The following PLEKHA7 variants were observed in gnomAD, a reference collection of about 807,000 sequenced individuals.
PLEKHA7 encodes pleckstrin homology domain-containing family A member 7.
Under a neutral mutation model 170.0 loss-of-function variants are expected in PLEKHA7, and 104 were observed. The observed-to-expected ratio is 0.61, with a 90% CI of 0.52 to 0.72. PLEKHA7 has a LOEUF of 0.72. Ranked by LOEUF, PLEKHA7 falls within the 30% of genes least tolerant of loss-of-function variation. The probability of loss-of-function intolerance (pLI) is 0.00; values close to 1 mark genes in which losing one functional copy is unlikely to be tolerated. For missense variants in PLEKHA7, 1,615 were observed against 1,671.7 expected (o/e 0.97, Z 0.59); for synonymous variants, 648 against 660.8 (o/e 0.98, Z 0.30).
chr11:16,835,942 C>T (rs957648062), intron 9 of PLEKHA7, among the ~76,000 whole-genome samples: 7 of 152,228 alleles, frequency 4.6e-5, no homozygotes, highest in Non-Finnish European at 8.8e-5. Context: ...TGGGAATGTG[C>T]ACCACCTCAC....
At chr11:16,919,530 C>A (rs1055003003) in intron 3 of PLEKHA7, among the ~76,000 whole-genome samples, 1 of 151,942 alleles carries the variant, frequency 6.6e-6, no homozygotes, top group African/African-American at 2.4e-5. Flanking sequence ...AAACACTTAG[C>A]CAAGCATGGT....
chr11:16,801,220 G>A (rs1385849276), intron 16 of PLEKHA7, 145 bp from the exon 17 acceptor site: 1 of 709,104 alleles, frequency 1.4e-6, no homozygotes, highest in Non-Finnish European at 2.5e-6. Context: ...AGAGAGAGGA[G>A]CAGGAAAGAG....
intron 3 of PLEKHA7, among the ~76,000 whole-genome samples, chr11:16,966,074 T>G (rs1245128585): frequency 6.6e-6 from 1 of 152,014 alleles, no homozygotes; most frequent in East Asian, 1.9e-4. Flanking sequence ...TCCCAGTTAC[T>G]CGGGAGGCTG....
intron 3 of PLEKHA7, among the ~76,000 whole-genome samples, chr11:16,981,392 A>T (rs1014693350): frequency 6.6e-6 from 1 of 152,196 alleles, no homozygotes; most frequent in Non-Finnish European, 1.5e-5. Context: ...ATTCCAACCC[A>T]GTTGGCCTGA....
At chr11:16,812,962 A>C (rs1849482194) in intron 13 of PLEKHA7, 151 bp downstream of exon 13, 1 of 604,926 alleles carries the variant, frequency 1.7e-6, no homozygotes, top group South Asian at 2.4e-5. Flanking sequence ...TAAGAAATAA[A>C]GTTCTTCTGA....
At chr11:16,921,835 G>A (rs1859115724) in intron 3 of PLEKHA7, among the ~76,000 whole-genome samples, 2 of 152,186 alleles carry the variant, frequency 1.3e-5, no homozygotes, top group African/African-American at 2.4e-5. Context: ...GTGTGAGGCA[G>A]GTTTTATTAT....
chr11:16,932,764 G>C (rs1431663718), intron 3 of PLEKHA7, among the ~76,000 whole-genome samples: 1 of 152,186 alleles, frequency 6.6e-6, no homozygotes, highest in Admixed American at 6.5e-5. Context: ...TGCAGGTCAG[G>C]GTATGTATCA....
chr11:17,006,334 A>G (rs993744295), intron 3 of PLEKHA7, among the ~76,000 whole-genome samples: 1 of 151,520 alleles, frequency 6.6e-6, no homozygotes, highest in Non-Finnish European at 1.5e-5. Flanking sequence ...ATCTAAAAAA[A>G]AAAAAAAAAC....
chr11:17,002,320 C>T (rs1864713145), intron 3 of PLEKHA7, among the ~76,000 whole-genome samples: 1 of 152,024 alleles, frequency 6.6e-6, no homozygotes, highest in Non-Finnish European at 1.5e-5. Context: ...GGGGGCATTG[C>T]TTGAGCCCAG....
intron 3 of PLEKHA7, among the ~76,000 whole-genome samples, chr11:16,944,543 TAAAAAA>T (rs34484852): frequency 1.4e-5 from 2 of 138,974 alleles, no homozygotes; most frequent in African/African-American, 2.7e-5. Context: ...TTCTTCTCCT[TAAAAAA>T]AAAAAAAAAA....
intron 3 of PLEKHA7, among the ~76,000 whole-genome samples, chr11:16,965,858 C>G (rs1862341497): frequency 6.6e-6 from 1 of 152,188 alleles, no homozygotes; most frequent in Non-Finnish European, 1.5e-5. Flanking sequence ...AGTGCACTGC[C>G]TGCCCAGCAC....
At chr11:16,801,548 G>A (rs1302389705) in intron 16 of PLEKHA7, 120 bp downstream of exon 16, 2 of 1,255,202 alleles carry the variant, frequency 1.6e-6, no homozygotes, top group East Asian at 2.5e-5. Flanking sequence ...TACTGGAGAA[G>A]CTCTGCTATT....
chr11:16,821,072 C>T (rs1301473219), intron 10 of PLEKHA7, among the ~76,000 whole-genome samples: 1 of 152,198 alleles, frequency 6.6e-6, no homozygotes, highest in African/African-American at 2.4e-5. Flanking sequence ...TTATACCATG[C>T]TCTGTGGCCA....
intron 9 of PLEKHA7, among the ~76,000 whole-genome samples, chr11:16,834,143 T>TG (rs146456468): frequency 0.087 from 13,222 of 152,156 alleles, 835 homozygotes; most frequent in Non-Finnish European, 0.13. Context: ...CCTGAGTAGC[T>TG]GGGATTACAG....
intron 17 of PLEKHA7, among the ~76,000 whole-genome samples, chr11:16,799,896 C>G (rs1273337616): frequency 6.6e-6 from 1 of 152,112 alleles, no homozygotes; most frequent in East Asian, 1.9e-4. Flanking sequence ...TCTCTGGGAA[C>G]CATCTCTGCA....
chr11:16,867,380 G>C (rs940455996), intron 4 of PLEKHA7, among the ~76,000 whole-genome samples: 1 of 152,150 alleles, frequency 6.6e-6, no homozygotes, highest in Non-Finnish European at 1.5e-5. Context: ...CAAGAAACTG[G>C]GGAGTGGAGG....
rs76334739 is a variant in PLEKHA7, at chr11:16,874,636, G to C, written c.222-3454C>G. Among the ~76,000 whole-genome samples the C allele has an allele frequency of 1.2e-4, 19 of 152,224 alleles. No individual in the cohort carries two copies. In the East Asian group the frequency reaches 3.1e-3, roughly 25 times the overall value. On this transcript the variant is annotated intron_variant, in intron 3 of 26. Coordinates refer to ENST00000531066, the MANE Select transcript of PLEKHA7 (RefSeq NM_001329630.2). ...GAGTCTGAATTGGGGCAGCTTCCTG[G>C]CCATGATGAGAAAGCCCTAAAGACA...
In PLEKHA7 at chr11:17,014,348, C is replaced by G. The variant is rs1397025623; in HGVS notation, c.54G>C (p.Gly18=). The change falls in exon 1 of 27, where the codon GGG becomes GGC. Residue 18 remains glycine, a synonymous_variant. Coordinates refer to ENST00000531066, the MANE Select transcript of PLEKHA7 (RefSeq NM_001329630.2). Reference sequence around the variant, plus strand: ...AGAAGACGCGGCCATCCCGGCACACCCCGTAGGACCAATGCTCAGGTAAAG... The same window carrying G: ...AGAAGACGCGGCCATCCCGGCACACGCCGTAGGACCAATGCTCAGGTAAAG... ...RDTLPEHWSY[G]VCRDGRVFFI... 2.8e-6 allele frequency: 4 copies of G among 1,446,882 alleles called. No individual in the cohort carries two copies. Among genetic ancestry groups the G allele is most frequent in the Admixed American group, 2.5e-5 (1 of 39,766 alleles). 89.6% of individuals were successfully genotyped at this position (1,446,882 alleles called of 1,614,324 possible).
chr11:16,919,949 T>C (rs186263477), intron 3 of PLEKHA7, among the ~76,000 whole-genome samples: 57 of 152,212 alleles, frequency 3.7e-4, no homozygotes, highest in Middle Eastern at 3.4e-3. Flanking sequence ...TACCAGCCGT[T>C]TTTCATAACA....
Sources: gnomAD v4.1 joint callset for allele counts (sites outside exome capture counted in the v4.1 genomes callset) on GRCh38, gnomAD v4.1.1 for gene constraint, MANE v1.5 for transcripts, NCBI Gene and HGNC (gene_info 2026-07-23, HGNC 2026-07-21) for gene names.